Variants in CACNA2D4 observed in about 807,000 individuals in gnomAD.
The protein encoded by CACNA2D4 is voltage-dependent calcium channel subunit alpha-2/delta-4.
In CACNA2D4, 157 loss-of-function variants were observed where a neutral mutation model predicts 163.8. The ratio of observed to expected loss-of-function variants is 0.96; its 90% CI spans 0.84 to 1.09. The LOEUF (loss-of-function observed/expected upper bound fraction) is 1.09, where lower values mean the gene tolerates loss of function less well. Among genes scored for constraint, CACNA2D4 ranks in the 50% least tolerant of loss-of-function variants. The probability of loss-of-function intolerance (pLI) is 0.00; values close to 1 mark genes in which losing one functional copy is unlikely to be tolerated. For synonymous variants in CACNA2D4, 598 were observed against 586.9 expected, an observed-to-expected ratio of 1.02 and a Z score of -0.27; for missense variants, 1,410 against 1,479.9, an observed-to-expected ratio of 0.95 and a Z score of 0.78.
At chr12:1,831,004 A>C (rs1282633719) in intron 26 of CACNA2D4, 1 of 1,614,014 alleles carries the variant, frequency 6.2e-7, no homozygotes. Flanking sequence ...TGCAAGTGTG[A>C]CAGCCGCAGC....
intron 26 of CACNA2D4, among the ~76,000 whole-genome samples, chr12:1,821,899 G>A (rs1864119593): frequency 6.6e-6 from 1 of 152,048 alleles, no homozygotes; most frequent in Non-Finnish European, 1.5e-5. Context: ...TACTTGGGCA[G>A]TGTCTCTTTG....
In CACNA2D4 at chr12:1,846,661, A is replaced by G. The variant is rs767756349; in HGVS notation, c.2275T>C (p.Phe759Leu). 1.2e-6 allele frequency: 2 copies of G among 1,602,916 alleles called. No individual in the cohort carries two copies. The highest frequency in any genetic ancestry group is 1.7e-6 in the Non-Finnish European group (2 of 1,176,780). The change falls in exon 24 of 38, where the codon TTC becomes CTC. Residue 759 changes from phenylalanine to leucine, a missense_variant. Transcript: ENST00000382722. ...EESEHVVDMA[F>L]LGTRAGLLRS... The stretch of plus-strand genomic sequence containing the variant: ...AGGAGGCCAGCCCGGGTGCCCAGGA[A>G]GGCCATGTCCACCACGTGTTCAGAC...
chr12:1,800,944 A>C, intron 31 of CACNA2D4, 99 bp downstream of exon 31: 1 of 1,128,428 alleles, frequency 8.9e-7, no homozygotes, highest in South Asian at 1.3e-5. Context: ...GGGGCCAGAC[A>C]CCCAAGGTGG....
intron 18 of CACNA2D4, among the ~76,000 whole-genome samples, chr12:1,861,303 C>T (rs1865520001): frequency 6.6e-6 from 1 of 152,180 alleles, no homozygotes; most frequent in Non-Finnish European, 1.5e-5. Flanking sequence ...CTCCTCTGCC[C>T]AGTCAGACCC....
intron 18 of CACNA2D4, among the ~76,000 whole-genome samples, chr12:1,863,200 A>G (rs886484656): frequency 6.6e-5 from 10 of 152,204 alleles, no homozygotes; most frequent in Admixed American, 2.0e-4. Context: ...TGCTCCAATG[A>G]CACTCCAAGG....
chr12:1,891,409 C>A (rs927403293), intron 6 of CACNA2D4, among the ~76,000 whole-genome samples: 8 of 152,146 alleles, frequency 5.3e-5, no homozygotes, highest in African/African-American at 1.7e-4. Flanking sequence ...CAACCAACAC[C>A]ATAGATATAG....
At position 1,884,335 on chromosome 12, in the gene CACNA2D4, C is replaced by T. The variant is rs757760392; in HGVS notation, c.1273-14G>A. Reference sequence around the variant, plus strand: ...GAAAACTCGGACCTAACCCACAAGACACAGAGGCACTCAGCAGCAAAATTC... The same window carrying T: ...GAAAACTCGGACCTAACCCACAAGATACAGAGGCACTCAGCAGCAAAATTC... On this transcript the variant is annotated splice_polypyrimidine_tract_variant and intron_variant, in intron 11 of 37. Coordinates refer to ENST00000382722, the MANE Select transcript of CACNA2D4 (RefSeq NM_172364.5). 1 of 1,608,544 alleles carries T rather than the reference C, an allele frequency of 6.2e-7. No individual in the cohort carries two copies. The highest frequency in any genetic ancestry group is 2.2e-5 in the East Asian group (1 of 44,850).
At chr12:1,822,427 C>T (rs528596435) in intron 26 of CACNA2D4, among the ~76,000 whole-genome samples, 30 of 152,204 alleles carry the variant, frequency 2.0e-4, no homozygotes, top group African/African-American at 7.2e-4. Flanking sequence ...CCCAGCCAAG[C>T]CTCCTGTGCC....
chr12:1,800,488 G>A lies in CACNA2D4; in HGVS notation c.2869-50C>T, dbSNP rs771098025. Reference sequence around the variant, plus strand: ...CTCGCACCTAGGTCCAAGGGTGAGGGTGCCCCCCCCCCACCACCAGCACCA... The same window carrying A: ...CTCGCACCTAGGTCCAAGGGTGAGGATGCCCCCCCCCCACCACCAGCACCA... On this transcript the variant is annotated intron_variant, in intron 31 of 37. Transcript: ENST00000382722. The A allele has an allele frequency of 2.5e-6, 4 of 1,584,232 alleles. No homozygotes were observed. The African/African-American group carries it at 5.4e-5, about 22-fold the overall frequency.
chr12:1,850,488 T>A (rs1457552781), intron 23 of CACNA2D4, among the ~76,000 whole-genome samples: 1 of 152,238 alleles, frequency 6.6e-6, no homozygotes, highest in South Asian at 2.1e-4. Context: ...ATACATAATA[T>A]ATAGAGTAAC....
intron 23 of CACNA2D4, among the ~76,000 whole-genome samples, chr12:1,852,522 T>G (rs1474220903): frequency 1.3e-5 from 2 of 152,306 alleles, no homozygotes; most frequent in East Asian, 3.9e-4. Flanking sequence ...TTTTTTTAAA[T>G]GAATGAATAT....
chr12:1,846,752 T>A (rs1252614316), intron 23 of CACNA2D4, 63 bp from the exon 24 acceptor site: 2 of 1,356,664 alleles, frequency 1.5e-6, no homozygotes, highest in Non-Finnish European at 2.0e-6. Flanking sequence ...GGGGGCGACC[T>A]GCAGGGGTTT....
intron 19 of CACNA2D4, among the ~76,000 whole-genome samples, chr12:1,859,797 G>A (rs957903294): frequency 4.6e-5 from 7 of 152,220 alleles, no homozygotes; most frequent in Non-Finnish European, 7.3e-5. Context: ...AACCGCCCTC[G>A]GGGAAATGAC....
chr12:1,844,631 A>T lies in CACNA2D4; in HGVS notation c.2343-102T>A. 7.9e-7 allele frequency: 1 copy of T among 1,268,540 alleles called. No homozygotes were observed. 78.6% of individuals were successfully genotyped at this position (1,268,540 alleles called of 1,614,324 possible). Reference sequence around the variant, plus strand: ...TCAACTTGGCTGGGCTAAGAGAGTGATTTTAGCCCCTAAATTAGTACGGCC... The same window carrying T: ...TCAACTTGGCTGGGCTAAGAGAGTGTTTTTAGCCCCTAAATTAGTACGGCC... On this transcript the variant is annotated intron_variant, in intron 24 of 37. Transcript: ENST00000382722. This position sits in a 1 kb window ranked among gnomAD's most constrained non-coding sequence, Gnocchi z 4.2.
chr12:1,860,237 C>G, intron 18 of CACNA2D4, 31 bp from the exon 19 acceptor site: 2 of 1,590,960 alleles, frequency 1.3e-6, no homozygotes, highest in Non-Finnish European at 1.7e-6. Flanking sequence ...AGAGTGCTCA[C>G]GCAGAGAAGA....
At chr12:1,915,126 T>C (rs548708832) in intron 1 of CACNA2D4, 191 bp from the exon 2 acceptor site, 2 of 704,602 alleles carry the variant, frequency 2.8e-6, no homozygotes, top group South Asian at 1.5e-5. Context: ...CACACATACA[T>C]ACCCCCCACA....
intron 26 of CACNA2D4, chr12:1,835,803 AG>A (rs1447745709): frequency 1.3e-5 from 2 of 152,654 alleles, no homozygotes; most frequent in East Asian, 3.8e-4. Context: ...CGCATCTCAC[AG>A]CACCAGGCCC....
chr12:1,830,179 G>A (rs1864557948), intron 26 of CACNA2D4, among the ~76,000 whole-genome samples: 1 of 152,240 alleles, frequency 6.6e-6, no homozygotes, highest in Non-Finnish European at 1.5e-5. Flanking sequence ...GGGTTAAAGT[G>A]GAATGTGTCC....
intron 22 of CACNA2D4, among the ~76,000 whole-genome samples, chr12:1,854,460 C>T (rs1305972028): frequency 6.6e-6 from 1 of 152,122 alleles, no homozygotes; most frequent in Non-Finnish European, 1.5e-5. Context: ...GGCTGGAGTA[C>T]AGTGGCATGA....
Sources: gnomAD v4.1 joint callset for allele counts (sites outside exome capture counted in the v4.1 genomes callset) on GRCh38, gnomAD v4.1.1 for gene constraint, Gnocchi (gnomAD v3.1) non-coding constraint, MANE v1.5 for transcripts, NCBI Gene and HGNC (gene_info 2026-07-23, HGNC 2026-07-21) for gene names.